ARFGEF2: variants seen among roughly 807,000 people sequenced by gnomAD.
ARFGEF2 encodes the protein ARF guanine nucleotide exchange factor 2, also known as brefeldin A-inhibited guanine nucleotide-exchange protein 2.
A neutral mutation model predicts 219.9 loss-of-function variants in ARFGEF2; 74 were observed. The ratio of observed to expected loss-of-function variants is 0.34; its 90% CI spans 0.28 to 0.41. ARFGEF2 has a LOEUF of 0.41. Among genes scored for constraint, ARFGEF2 ranks in the 10% least tolerant of loss-of-function variants. ARFGEF2 has a pLI of 1.00. For missense variants in ARFGEF2, 1,743 were observed against 2,218.3 expected (o/e 0.79, Z 4.30); for synonymous variants, 733 against 799.2 (o/e 0.92, Z 1.40).
At chr20:48,923,778 A>C (rs1697388874) in intron 1 of ARFGEF2, among the ~76,000 whole-genome samples, 1 of 152,364 alleles carries the variant, frequency 6.6e-6, no homozygotes, top group East Asian at 1.9e-4. Flanking sequence ...AATTTTCACC[A>C]AAGTGTGCAT....
At chr20:48,941,320 A>G (rs2090991970) in intron 2 of ARFGEF2, 91 bp downstream of exon 2, 1 of 1,353,332 alleles carries the variant, frequency 7.4e-7, no homozygotes, top group South Asian at 1.2e-5. Context: ...GGTTTCTCAT[A>G]TTTCTAATCC....
chr20:48,949,862 T>C (rs184481142), intron 3 of ARFGEF2, among the ~76,000 whole-genome samples: 32 of 152,224 alleles, frequency 2.1e-4, no homozygotes, highest in African/African-American at 7.7e-4. Context: ...ACCAAGTCAC[T>C]GGAGGCAGAG....
rs538584626 is a variant in ARFGEF2 at position 49,033,809 on chromosome 20, T to G, written c.*610T>G. The G allele has an allele frequency of 1.3e-5, 2 of 152,752 alleles. No individual in the cohort carries two copies. Among genetic ancestry groups the G allele is most frequent in the African/African-American group, 2.4e-5 (1 of 41,462 alleles). The allele number at this position is 152,752 out of a possible 1,614,324, so 9.5% of individuals were successfully genotyped here. A position where few individuals can be genotyped will look rare whatever the true frequency, so the allele number is the denominator to read the frequency against. ...TATTTTACAAAAAGATATTGAAAAT[T>G]TGGTTGAAGGCAGAGTTTAGTAATT... On this transcript the variant is annotated 3_prime_UTR_variant, in exon 39 of 39. Transcript: ENST00000371917.
At chr20:48,972,502 C>T in intron 11 of ARFGEF2, 77 bp downstream of exon 11, 4 of 1,119,824 alleles carry the variant, frequency 3.6e-6, no homozygotes, top group Non-Finnish European at 5.4e-6. Flanking sequence ...AGACTTCTAA[C>T]CCCTCCTTTT....
chr20:48,946,794 C>G (rs2091031236), intron 3 of ARFGEF2, among the ~76,000 whole-genome samples: 1 of 151,314 alleles, frequency 6.6e-6, no homozygotes, highest in Admixed American at 6.6e-5. Flanking sequence ...GCCACTGTGC[C>G]CAGCCAGTTT....
intron 7 of ARFGEF2, among the ~76,000 whole-genome samples, chr20:48,964,649 A>G (rs557414077): frequency 1.2e-4 from 18 of 152,326 alleles, no homozygotes; most frequent in African/African-American, 2.2e-4. Context: ...GGCTTCATTC[A>G]TAAGTGCCTC....
In ARFGEF2 at chr20:48,998,391, C is replaced by A. The variant is rs374285087; in HGVS notation, c.3318C>A (p.His1106Gln). The change falls in exon 25 of 39, where the codon CAC becomes CAA. Residue 1106 changes from histidine to glutamine, a missense_variant. By Grantham distance (24) the His-to-Gln change is conservative. Around this residue, in one of 5 missense-constraint regions of ARFGEF2, gnomAD observed 666 missense variants for 955.4 expected, o/e 0.70. Transcript: ENST00000371917. ...CCATGGATGAACTGGCTTCCCCCCA[C>A]CATCCTCGCATGTTCAGCTTGCAGA... ...AVSMDELASP[H>Q]HPRMFSLQKI... The A allele has an allele frequency of 6.2e-7, 1 of 1,614,150 alleles. No homozygotes were observed. The highest frequency in any genetic ancestry group is 8.5e-7 in the Non-Finnish European group (1 of 1,180,044).
intron 36 of ARFGEF2, 63 bp downstream of exon 36, chr20:49,025,544 G>T: frequency 6.2e-7 from 1 of 1,600,146 alleles, no homozygotes; most frequent in Non-Finnish European, 8.5e-7. Context: ...ACATTAAAGT[G>T]CTTGGAAAAT....
chr20:48,942,610 G>A (rs1027746817), intron 3 of ARFGEF2, among the ~76,000 whole-genome samples: 1 of 149,056 alleles, frequency 6.7e-6, no homozygotes, highest in South Asian at 2.2e-4. Context: ...TCAGCCTCCC[G>A]AGTAGCTGAG....
At chr20:48,950,186 G>A (rs1568698597) in intron 3 of ARFGEF2, among the ~76,000 whole-genome samples, 1 of 152,114 alleles carries the variant, frequency 6.6e-6, no homozygotes, top group Non-Finnish European at 1.5e-5. Context: ...CTCAGAGAGG[G>A]CACGTTCCAA....
At chr20:49,023,786 C>T (rs1291599630) in intron 35 of ARFGEF2, among the ~76,000 whole-genome samples, 1 of 152,048 alleles carries the variant, frequency 6.6e-6, no homozygotes, top group African/African-American at 2.4e-5. Context: ...GATCCGCCCG[C>T]CTCGGCCTCC....
intron 6 of ARFGEF2, among the ~76,000 whole-genome samples, chr20:48,962,652 G>A (rs760700960): frequency 2.0e-5 from 3 of 152,130 alleles, no homozygotes; most frequent in Non-Finnish European, 4.4e-5. Context: ...CTAATTTCAA[G>A]TTCCCTTTGC....
intron 37 of ARFGEF2, 106 bp from the exon 38 acceptor site, chr20:49,031,943 A>C: frequency 4.3e-6 from 4 of 940,380 alleles, no homozygotes; most frequent in East Asian, 2.4e-5. Context: ...ATTAAAAAAA[A>C]CATGTTAAAA....
Position 48,984,749 on chromosome 20 carries a change from G to C in ARFGEF2, c.1979G>C (p.Arg660Thr), listed in dbSNP as rs772051446. The change falls in exon 15 of 39, where the codon AGG becomes ACG. Residue 660 changes from arginine (R) to threonine (T), a missense_variant. Around this residue, in one of 5 missense-constraint regions of ARFGEF2, gnomAD observed 666 missense variants for 955.4 expected, o/e 0.70. Transcript: ENST00000371917. ...AACAGGTTCAACAAGAAACCCAAGA[G>C]GGGGATCCAGTTTCTCCAGGAGCAG... ...GIELFNKKPK[R>T]GIQFLQEQGM... 8.7e-6 allele frequency: 14 copies of C among 1,613,870 alleles called. No homozygotes were observed. The Admixed American group carries it at 2.2e-4, about 25-fold the overall frequency.
intron 10 of ARFGEF2, among the ~76,000 whole-genome samples, chr20:48,971,632 T>C (rs762668736): frequency 1.3e-5 from 2 of 151,828 alleles, no homozygotes; most frequent in Non-Finnish European, 2.9e-5. Context: ...CTGGGCGCCA[T>C]GGCTCACGCC....
intron 21 of ARFGEF2, among the ~76,000 whole-genome samples, chr20:48,993,800 G>C (rs2091370579): frequency 6.6e-6 from 1 of 152,226 alleles, no homozygotes; most frequent in South Asian, 2.1e-4. Flanking sequence ...CATGCCTGAT[G>C]TAGAGCATAT....
intron 4 of ARFGEF2, among the ~76,000 whole-genome samples, chr20:48,951,862 A>G (rs977651439): frequency 2.0e-5 from 3 of 152,174 alleles, no homozygotes; most frequent in African/African-American, 7.2e-5. Context: ...TGGCACAGAT[A>G]GTACCATCTG....
At chr20:48,960,057 C>T (rs2091136549) in intron 6 of ARFGEF2, among the ~76,000 whole-genome samples, 1 of 152,144 alleles carries the variant, frequency 6.6e-6, no homozygotes, top group Admixed American at 6.6e-5. Flanking sequence ...AACAGGGATA[C>T]GTTCTGAGAA....
At chr20:48,963,542 G>T (rs545523801) in intron 6 of ARFGEF2, among the ~76,000 whole-genome samples, 1 of 152,326 alleles carries the variant, frequency 6.6e-6, no homozygotes, top group African/African-American at 2.4e-5. Flanking sequence ...GGGTGGTGGG[G>T]AGGGCCCTGG....
Sources: gnomAD v4.1 joint callset for allele counts (sites outside exome capture counted in the v4.1 genomes callset) on GRCh38, gnomAD v4.1.1 for gene constraint, gnomAD v4.1.1 regional missense constraint, MANE v1.5 for transcripts, NCBI Gene and HGNC (gene_info 2026-07-23, HGNC 2026-07-21) for gene names.